Variants in TENM3 observed in about 807,000 individuals in gnomAD.
The protein encoded by TENM3 is teneurin-3.
TENM3 carries 63 observed loss-of-function variants against 255.1 expected under a neutral mutation model. The ratio of observed to expected loss-of-function variants is 0.25; its 90% confidence interval spans 0.20 to 0.30. The LOEUF (loss-of-function observed/expected upper bound fraction) is 0.30, where lower values mean the gene tolerates loss of function less well. TENM3 is among the 10% of genes least tolerant of loss of function. TENM3 has a pLI of 1.00. For synonymous variants in TENM3, 1,306 were observed against 1,322.3 expected (o/e 0.99, Z 0.27); for missense variants, 2,929 against 3,461.1 (o/e 0.85, Z 3.86).
At chr4:182,672,652 T>C (rs571849203) in intron 6 of TENM3, among the ~76,000 whole-genome samples, 24 of 152,228 alleles carry the variant, frequency 1.6e-4, no homozygotes, top group Non-Finnish European at 2.8e-4. Flanking sequence ...GACTGATAAG[T>C]ACCAGACCCT....
intron 3 of TENM3, among the ~76,000 whole-genome samples, chr4:182,355,217 G>C (rs1298360099): frequency 6.6e-6 from 1 of 152,166 alleles, no homozygotes; most frequent in Non-Finnish European, 1.5e-5. Flanking sequence ...GATTTAGACA[G>C]AACAGCAAAG....
chr4:182,526,748 A>G (rs1347239361), intron 3 of TENM3, among the ~76,000 whole-genome samples: 2 of 152,112 alleles, frequency 1.3e-5, no homozygotes, highest in Non-Finnish European at 2.9e-5. Context: ...TCTCTTAACT[A>G]TTTTACTTGC....
rs11348241 is a variant in TENM3 at position 182,719,252 on chromosome 4, C to CTTTTT, written c.2368+5042_2368+5046dup. 3.6e-4 allele frequency among the ~76,000 whole-genome samples: 29 copies of CTTTTT among 80,864 alleles called. 2 individuals are homozygous for CTTTTT. In the South Asian group the frequency reaches 5.8e-3, roughly 16 times the overall value. 53.0% of individuals were successfully genotyped at this position (80,864 alleles called of 152,430 possible). On this transcript the variant is annotated intron_variant, in intron 13 of 27. Coordinates refer to ENST00000511685, the MANE Select transcript of TENM3 (RefSeq NM_001080477.4). ...AGTAAAATAGAGTTCTTTTTTTTTTCTTTTTTTTTTTTTTTTTTTTTTTTT... is the reference window on the plus strand; with the variant it reads ...AGTAAAATAGAGTTCTTTTTTTTTTCTTTTTTTTTTTTTTTTTTTTTTTTTTTTTT...
the TENM3 span, among the ~76,000 whole-genome samples, chr4:182,067,495 A>T: frequency 1.3e-5 from 2 of 152,164 alleles, no homozygotes; most frequent in Non-Finnish European, 2.9e-5. Context: ...ATTATCATCA[A>T]CTCACAATGT....
intron 3 of TENM3, among the ~76,000 whole-genome samples, chr4:182,595,350 T>G (rs1051099965): frequency 1.3e-5 from 2 of 152,108 alleles, no homozygotes; most frequent in Admixed American, 6.5e-5. Flanking sequence ...CAATAGCTCG[T>G]AGCATTTTCC....
intron 5 of TENM3, among the ~76,000 whole-genome samples, chr4:182,643,855 G>C (rs2137954): frequency 0.09 from 13,755 of 152,238 alleles, 705 homozygotes; most frequent in East Asian, 0.15. Context: ...CTTTGATGAA[G>C]TTTTGAGGTT....
rs1314537843 is a variant in TENM3 at position 182,346,862 on chromosome 4, A to G, written c.444A>G (p.Ser148=). 3.7e-6 allele frequency: 6 copies of G among 1,613,378 alleles called. No individual in the cohort carries two copies. Among genetic ancestry groups the G allele is most frequent in the South Asian group, 1.1e-5 (1 of 90,980 alleles). ...GVKSGRSSCL[S]SRSNSALTLT... ...AATCAGGCCGCAGCTCCTGCCTGTCAAGTCGGTCCAACTCAGCCCTCACCC... is the reference window on the plus strand; with the variant it reads ...AATCAGGCCGCAGCTCCTGCCTGTCGAGTCGGTCCAACTCAGCCCTCACCC... The change falls in exon 3 of 28, where the codon TCA becomes TCG. Residue 148 remains serine, a synonymous_variant. Coordinates refer to ENST00000511685, the MANE Select transcript of TENM3 (RefSeq NM_001080477.4).
chr4:181,677,680 T>C, the TENM3 span, among the ~76,000 whole-genome samples: 4 of 152,118 alleles, frequency 2.6e-5, no homozygotes, highest in African/African-American at 9.7e-5. Flanking sequence ...TGGTTCTCTC[T>C]TGTTTAAGAG....
the TENM3 span, among the ~76,000 whole-genome samples, chr4:181,678,838 A>AAAC: frequency 1.7e-3 from 95 of 57,286 alleles, no homozygotes; most frequent in African/African-American, 4.7e-3. Flanking sequence ...AGAATGTTTT[A>AAAC]AACAAAAAAA....
intron 3 of TENM3, among the ~76,000 whole-genome samples, chr4:182,423,315 G>C (rs1373382461): frequency 6.6e-6 from 1 of 152,120 alleles, no homozygotes. Flanking sequence ...ACTCCTTCAC[G>C]TCTTTAAAAT....
chr4:181,897,558 G>T, the TENM3 span, among the ~76,000 whole-genome samples: 38,314 of 152,046 alleles, frequency 0.25, 4,903 homozygotes, highest in Non-Finnish European at 0.26. Context: ...AAGAACCTTG[G>T]TGTTCTTACA....
At chr4:181,659,416 C>T in the TENM3 span, among the ~76,000 whole-genome samples, 1 of 152,110 alleles carries the variant, frequency 6.6e-6, no homozygotes, top group Admixed American at 6.5e-5. Context: ...AGAACACTCT[C>T]TTGGGGTTTG....
At chr4:182,005,266 C>T in the TENM3 span, among the ~76,000 whole-genome samples, 22 of 152,160 alleles carry the variant, frequency 1.4e-4, 1 homozygote, top group South Asian at 2.5e-3. Flanking sequence ...GGAAGGGGTC[C>T]GGTTTCAGTT....
chr4:182,139,392 T>TACCTATATTTTTA (rs1749237068), upstream of TENM3, among the ~76,000 whole-genome samples: 1 of 152,228 alleles, frequency 6.6e-6, no homozygotes, highest in Non-Finnish European at 1.5e-5. Context: ...AGTCACTTGA[T>TACCTATATTTTTA]ACCTATATTT....
the TENM3 span, among the ~76,000 whole-genome samples, chr4:181,590,503 C>T: frequency 6.6e-6 from 1 of 152,154 alleles, no homozygotes; most frequent in East Asian, 1.9e-4. Flanking sequence ...GAGGAAGGGT[C>T]AAGAAAGGAC....
At chr4:182,270,582 C>T (rs574488021) in intron 1 of TENM3, among the ~76,000 whole-genome samples, 1 of 152,252 alleles carries the variant, frequency 6.6e-6, no homozygotes, top group South Asian at 2.1e-4. Context: ...TCCAGGGTCC[C>T]CTTGGCTCAG....
At chr4:181,591,439 T>G in the TENM3 span, among the ~76,000 whole-genome samples, 1 of 152,204 alleles carries the variant, frequency 6.6e-6, no homozygotes, top group Non-Finnish European at 1.5e-5. Flanking sequence ...TTCATAGCAG[T>G]TTTTTATAAT....
At chr4:182,431,647 C>A (rs569780178) in intron 3 of TENM3, among the ~76,000 whole-genome samples, 1 of 152,272 alleles carries the variant, frequency 6.6e-6, no homozygotes, top group South Asian at 2.1e-4. Flanking sequence ...GCTATGTGAA[C>A]TGAGACACTA....
chr4:181,760,995 C>CACAT, the TENM3 span, among the ~76,000 whole-genome samples: 1 of 129,562 alleles, frequency 7.7e-6, no homozygotes, highest in Non-Finnish European at 1.6e-5. Context: ...CACACACACA[C>CACAT]ACACACACAC....
Sources: allele counts gnomAD v4.1 joint callset (sites outside exome capture counted in the v4.1 genomes callset), GRCh38; gene constraint gnomAD v4.1.1; transcripts MANE v1.5; gene names NCBI Gene and HGNC (gene_info 2026-07-23, HGNC 2026-07-21).